The following LRP1B variants were observed in gnomAD, a reference collection of about 807,000 sequenced individuals.
LRP1B encodes the protein LDL receptor related protein 1B.
LRP1B carries 217 observed loss-of-function variants against 556.6 expected under a neutral mutation model. That is an observed-to-expected ratio of 0.39 (90% CI 0.35 to 0.44). The LOEUF is 0.44. LRP1B is among the 20% of genes least tolerant of loss of function. The probability of loss-of-function intolerance (pLI) is 1.00; values close to 1 mark genes in which losing one functional copy is unlikely to be tolerated. For missense variants in LRP1B, 5,053 were observed against 5,620.8 expected, an observed-to-expected ratio of 0.90 and a Z score of 3.23; for synonymous variants, 2,047 against 1,865.8, an observed-to-expected ratio of 1.10 and a Z score of -2.50.
intron 11 of LRP1B, among the ~76,000 whole-genome samples, chr2:141,048,076 C>T (rs1358385342): frequency 6.6e-6 from 1 of 152,076 alleles, no homozygotes; most frequent in Admixed American, 6.6e-5. Flanking sequence ...TTATGAACCC[C>T]TTGAAGGCAG....
intron 86 of LRP1B, among the ~76,000 whole-genome samples, chr2:140,252,311 T>G (rs1397411180): frequency 6.6e-6 from 1 of 151,848 alleles, no homozygotes; most frequent in East Asian, 1.9e-4. Context: ...CTATCTCAAC[T>G]TTTACATGAA....
intron 41 of LRP1B, among the ~76,000 whole-genome samples, chr2:140,630,010 C>T (rs1426614954): frequency 6.6e-6 from 1 of 152,210 alleles, no homozygotes; most frequent in Non-Finnish European, 1.5e-5. Flanking sequence ...GCTGTTTGGG[C>T]CATTCACATT....
At chr2:141,928,242 A>G (rs1243301518) in intron 1 of LRP1B, among the ~76,000 whole-genome samples, 1 of 152,204 alleles carries the variant, frequency 6.6e-6, no homozygotes, top group Non-Finnish European at 1.5e-5. Context: ...ATATGCATTT[A>G]GATTTAAGTT....
At chr2:141,864,398 T>C in intron 1 of LRP1B, among the ~76,000 whole-genome samples, 1 of 152,166 alleles carries the variant, frequency 6.6e-6, no homozygotes, top group South Asian at 2.1e-4. Flanking sequence ...ACAACACCAA[T>C]ATTTCTATTG....
chr2:142,040,474 T>C lies in LRP1B; in HGVS notation c.82+90174A>G, dbSNP rs542705252. On this transcript the variant is annotated intron_variant, in intron 1 of 90. Coordinates refer to ENST00000389484, the MANE Select transcript of LRP1B (RefSeq NM_018557.3). ...TTTTTAGTTCAATTTCCTCATCAGT[T>C]TTAATTCTGCCTCTATCATTTGGAG... is the stretch of plus-strand genomic sequence containing the variant. Among the ~76,000 whole-genome samples the C allele has an allele frequency of 4.6e-5, 7 of 151,486 alleles. 1 individual carries two copies. The highest frequency in any genetic ancestry group is 1.7e-4 in the African/African-American group (7 of 41,464).
chr2:140,273,238 CAT>C (rs138384131), intron 85 of LRP1B, among the ~76,000 whole-genome samples: 363 of 151,934 alleles, frequency 2.4e-3, no homozygotes, highest in African/African-American at 7.0e-3. Context: ...GTGCACAAGA[CAT>C]AGAGAACAAT....
chr2:141,297,973 T>A (rs1353726143), intron 3 of LRP1B, among the ~76,000 whole-genome samples: 1 of 152,190 alleles, frequency 6.6e-6, no homozygotes, highest in African/African-American at 2.4e-5. Context: ...CACTCTGTAA[T>A]GTTCACACAA....
chr2:141,460,467 T>C (rs1402269581), intron 3 of LRP1B, among the ~76,000 whole-genome samples: 2 of 152,182 alleles, frequency 1.3e-5, no homozygotes, highest in Non-Finnish European at 2.9e-5. Flanking sequence ...AGCAAGGTTA[T>C]ACAGGGTTTC....
intron 27 of LRP1B, among the ~76,000 whole-genome samples, chr2:140,859,456 A>G (rs1366552127): frequency 6.6e-6 from 1 of 152,090 alleles, no homozygotes; most frequent in Middle Eastern, 3.2e-3. Context: ...TGTTGTCAAG[A>G]AAAGTTTAAT....
At chr2:140,532,176 C>A (rs1311388819) in intron 47 of LRP1B, among the ~76,000 whole-genome samples, 1 of 152,106 alleles carries the variant, frequency 6.6e-6, no homozygotes, top group Non-Finnish European at 1.5e-5. Context: ...CCCATTCCCA[C>A]ACAAACAAAT....
intron 11 of LRP1B, among the ~76,000 whole-genome samples, chr2:141,020,882 T>A (rs977893081): frequency 2.6e-5 from 4 of 151,964 alleles, no homozygotes; most frequent in Admixed American, 2.6e-4. Context: ...CAGTAGCAAT[T>A]GGATAAATAT....
chr2:141,236,230 C>CAT (rs1403130774), intron 5 of LRP1B, among the ~76,000 whole-genome samples: 1 of 152,044 alleles, frequency 6.6e-6, no homozygotes, highest in Non-Finnish European at 1.5e-5. Flanking sequence ...TTGAAGTATA[C>CAT]ATACATTGTG....
chr2:141,727,902 C>T (rs77613897), intron 2 of LRP1B, among the ~76,000 whole-genome samples: 6,712 of 152,012 alleles, frequency 0.044, 204 homozygotes, highest in South Asian at 0.1. Flanking sequence ...TAAGAGAGGA[C>T]CAAAGAGGAG....
intron 3 of LRP1B, among the ~76,000 whole-genome samples, chr2:141,435,477 T>G (rs531345570): frequency 6.6e-6 from 1 of 152,316 alleles, no homozygotes; most frequent in South Asian, 2.1e-4. Flanking sequence ...GACAAAGTCC[T>G]AAGGCATGGA....
chr2:141,218,857 A>T (rs919562562), intron 6 of LRP1B, among the ~76,000 whole-genome samples: 1 of 152,180 alleles, frequency 6.6e-6, no homozygotes, highest in African/African-American at 2.4e-5. Context: ...GAACAAAAAC[A>T]GTAAGTGAAT....
At chr2:140,414,789 A>G (rs1685112591) in intron 66 of LRP1B, among the ~76,000 whole-genome samples, 1 of 152,158 alleles carries the variant, frequency 6.6e-6, no homozygotes, top group African/African-American at 2.4e-5. Context: ...ATATGAAATC[A>G]GTGCACCTTG....
intron 43 of LRP1B, among the ~76,000 whole-genome samples, chr2:140,572,857 C>T (rs184568432): frequency 1.7e-4 from 24 of 137,208 alleles, no homozygotes; most frequent in South Asian, 4.9e-4. Context: ...TCATTCATGG[C>T]AACATGGAAG....
chr2:141,115,350 C>G (rs551954219), intron 7 of LRP1B, among the ~76,000 whole-genome samples: 1 of 152,142 alleles, frequency 6.6e-6, no homozygotes, highest in South Asian at 2.1e-4. Flanking sequence ...CAGATAATAC[C>G]CTGGACACTA....
chr2:141,741,356 T>C (rs185718923), intron 2 of LRP1B, among the ~76,000 whole-genome samples: 3 of 150,896 alleles, frequency 2.0e-5, no homozygotes, highest in Non-Finnish European at 4.4e-5. Context: ...CTAATTTTAG[T>C]TTTTTTGAGG....
Sources: allele counts gnomAD v4.1 joint callset (sites outside exome capture counted in the v4.1 genomes callset), GRCh38; gene constraint gnomAD v4.1.1; transcripts MANE v1.5; gene names NCBI Gene and HGNC (gene_info 2026-07-23, HGNC 2026-07-21).